Variants in PUM3 observed in about 807,000 individuals in gnomAD.
The protein encoded by PUM3 is pumilio RNA binding family member 3.
PUM3 carries 91 observed loss-of-function variants against 84.0 expected under a neutral mutation model. The observed-to-expected ratio is 1.08, with a 90% CI of 0.91 to 1.29. The LOEUF is 1.29. PUM3 is among the 50% of genes most tolerant of loss of function. The pLI is 0.00. For missense variants in PUM3, 1,067 were observed against 767.5 expected (o/e 1.39, Z -4.61); for synonymous variants, 321 against 266.7 (o/e 1.20, Z -1.98).
chr9:2,836,456 G>C (rs996323138), intron 3 of PUM3, among the ~76,000 whole-genome samples: 1 of 152,140 alleles, frequency 6.6e-6, no homozygotes, highest in African/African-American at 2.4e-5. Context: ...CAAAGTTCTG[G>C]GTTAGAAATG....
intron 5 of PUM3, among the ~76,000 whole-genome samples, chr9:2,832,656 G>C (rs983945394): frequency 7.2e-5 from 11 of 152,304 alleles, no homozygotes; most frequent in Non-Finnish European, 1.5e-4. Context: ...TGAGGGGGCA[G>C]TCCTATCGTA....
rs761102175 is a variant in PUM3 at position 2,828,782 on chromosome 9, CAACAA to C, written c.853-9_853-5del. The C allele has an allele frequency of 2.7e-6, 4 of 1,505,444 alleles. No homozygotes were observed. The highest frequency in any genetic ancestry group is 1.1e-5 in the South Asian group (1 of 88,000). 93.3% of individuals were successfully genotyped at this position (1,505,444 alleles called of 1,614,324 possible). On this transcript the variant is annotated splice_region_variant and splice_polypyrimidine_tract_variant and intron_variant, in intron 8 of 17. Transcript: ENST00000397885. ...CCAGAGTTCGGTGATCTGCTGACTG[CAACAA>C]AACAAAACAATCAAACCCCTCTAAA...
intron 3 of PUM3, among the ~76,000 whole-genome samples, chr9:2,835,074 T>C (rs142278491): frequency 4.0e-5 from 6 of 151,234 alleles, no homozygotes; most frequent in African/African-American, 1.5e-4. Flanking sequence ...TAGCCACTGA[T>C]AATTTTCCCC....
chr9:2,807,884 C>A lies in PUM3; in HGVS notation c.1744G>T (p.Val582Leu), dbSNP rs747155246. ...AGGTTCTTCATACCAACATGCTCTA[C>A]AAGTGTTTTTGCAAAACAACCTGTA... is the stretch of plus-strand genomic sequence containing the variant. The part of the protein sequence containing the change: ...GREGCFAKTL[V>L]EHVGMKNLKS... The change falls in exon 17 of 18, where the codon GTA becomes TTA. Residue 582 changes from valine to leucine, a missense_variant. Transcript: ENST00000397885. The A allele has an allele frequency of 6.2e-7, 1 of 1,613,062 alleles. No individual in the cohort carries two copies. Among genetic ancestry groups the A allele is most frequent in the Admixed American group, 1.7e-5 (1 of 60,002 alleles).
chr9:2,838,459 C>T lies in PUM3; in HGVS notation c.49G>A (p.Ala17Thr), dbSNP rs1816186843. ...KQFTGKSTKT[A>T]QEKNRFHKNS... ...TTATGAAATCTGTTTTTTTCTTGTG[C>T]TGTCTTTGTACTCTTTCCTGTGAAT... The change falls in exon 2 of 18, where the codon GCA becomes ACA. Residue 17 changes from alanine to threonine, a missense_variant. Ala to Thr is a moderately conservative substitution (Grantham distance 58). Transcript: ENST00000397885. 2.5e-6 allele frequency: 4 copies of T among 1,613,182 alleles called. No individual in the cohort carries two copies. The highest frequency in any genetic ancestry group is 3.4e-6 in the Non-Finnish European group (4 of 1,179,324).
In PUM3 at chr9:2,828,721, G is replaced by T; in HGVS notation, c.910C>A (p.Leu304Ile). The T allele has an allele frequency of 6.2e-7, 1 of 1,609,302 alleles. No individual in the cohort carries two copies. The highest frequency in any genetic ancestry group is 8.5e-7 in the Non-Finnish European group (1 of 1,175,782). Residue 304 changes from leucine (L) to isoleucine (I), a missense_variant, in exon 9 of 18, where the codon CTT becomes ATT. Coordinates refer to ENST00000397885, the MANE Select transcript of PUM3 (RefSeq NM_014878.5). ...ATCTGTTTCATTTCATCCATAATAA[G>T]TTCTAATTTTTCTGGCTGTACCTCT... ...VLEVQPEKLE[L>I]IMDEMKQILT... is the part of the protein sequence containing the mutation.
At chr9:2,822,408 T>A (rs1005370821) in intron 12 of PUM3, among the ~76,000 whole-genome samples, 1 of 151,992 alleles carries the variant, frequency 6.6e-6, no homozygotes, top group Admixed American at 6.6e-5. Flanking sequence ...CCCCAATATT[T>A]GGAAATTAAT....
intron 10 of PUM3, among the ~76,000 whole-genome samples, chr9:2,826,235 T>C (rs1206679347): frequency 1.3e-5 from 2 of 152,196 alleles, no homozygotes; most frequent in African/African-American, 2.4e-5. Context: ...AAAGATACTT[T>C]CTACCACTGA....
Position 2,823,798 on chromosome 9 carries a change from C to T in PUM3, c.1171G>A (p.Val391Ile). 6.6e-7 allele frequency: 1 copy of T among 1,506,924 alleles called. No individual in the cohort carries two copies. Among genetic ancestry groups the T allele is most frequent in the Non-Finnish European group, 9.1e-7 (1 of 1,102,456 alleles). The allele number at this position is 1,506,924 out of a possible 1,614,324, so 93.3% of individuals were successfully genotyped here. A position where few individuals can be genotyped will look rare whatever the true frequency, so the allele number is the denominator to read the frequency against. Residue 391 changes from valine (V) to isoleucine (I), a missense_variant, in exon 12 of 18, where the codon GTT (valine) becomes ATT (isoleucine). Coordinates refer to ENST00000397885, the MANE Select transcript of PUM3 (RefSeq NM_014878.5). ...ATACTTACATTAGCCACCTTTTCAA[C>T]ATAAGTCTTCATTGTTTTCACAATC... ...KVIVKTMKTY[V>I]EKVANGQYSH...
chr9:2,813,955 A>G (rs920141308), intron 13 of PUM3, among the ~76,000 whole-genome samples: 5 of 150,968 alleles, frequency 3.3e-5, no homozygotes, highest in Non-Finnish European at 7.4e-5. Context: ...TACCAGTCCA[A>G]TCCCCATTAT....
chr9:2,819,164 C>T (rs993699123), intron 13 of PUM3, among the ~76,000 whole-genome samples: 6 of 152,182 alleles, frequency 3.9e-5, no homozygotes, highest in Non-Finnish European at 7.3e-5. Context: ...TTCTTATCCC[C>T]ACCCTGCTGC....
At position 2,818,601 on chromosome 9, in the gene PUM3, A is replaced by G. The variant is rs576196834; in HGVS notation, c.1269+1417T>C. Among the ~76,000 whole-genome samples the G allele has an allele frequency of 5.9e-5, 9 of 152,330 alleles. No homozygotes were observed. The South Asian group carries it at 1.9e-3, about 32-fold the overall frequency. ...TCATCAGCCAATTCTATGGCCTCAC[A>G]TCTCTGTCACAAGAATGAAAAACAA... On this transcript the variant is annotated intron_variant, in intron 13 of 17. Coordinates refer to ENST00000397885, the MANE Select transcript of PUM3 (RefSeq NM_014878.5).
chr9:2,831,469 C>A, intron 5 of PUM3, 125 bp from the exon 6 acceptor site: 1 of 661,062 alleles, frequency 1.5e-6, no homozygotes, highest in Non-Finnish European at 2.7e-6. Flanking sequence ...AAAATCAAAC[C>A]TAGATTACTG....
At position 2,804,933 on chromosome 9, in the gene PUM3, G is replaced by T. The variant is rs191090646; in HGVS notation, c.1815-470C>A. 4.9e-4 allele frequency among the ~76,000 whole-genome samples: 75 copies of T among 152,288 alleles called. 1 individual carries two copies. The highest frequency in any genetic ancestry group is 1.8e-3 in the African/African-American group (73 of 41,556). ...AAGGTGTGAACAGAGGCACAGAGAGGTCAGAGTTAGCAGGTCTTCTCACTG... is the reference window on the plus strand; with the variant it reads ...AAGGTGTGAACAGAGGCACAGAGAGTTCAGAGTTAGCAGGTCTTCTCACTG... On this transcript the variant is annotated intron_variant, in intron 17 of 17. Coordinates refer to ENST00000397885, the MANE Select transcript of PUM3 (RefSeq NM_014878.5).
chr9:2,812,177 T>C (rs1397592818), intron 14 of PUM3, 43 bp downstream of exon 14: 2 of 1,571,484 alleles, frequency 1.3e-6, no homozygotes, highest in East Asian at 4.5e-5. Flanking sequence ...TACTCAACAT[T>C]AACAGAGGAA....
chr9:2,818,270 T>A (rs1339163970), intron 13 of PUM3, among the ~76,000 whole-genome samples: 1 of 152,238 alleles, frequency 6.6e-6, no homozygotes, highest in Non-Finnish European at 1.5e-5. Context: ...AGGAAAGAGA[T>A]CGGCAAATCA....
chr9:2,811,269 C>G, intron 15 of PUM3, 92 bp downstream of exon 15: 1 of 972,520 alleles, frequency 1.0e-6, no homozygotes, highest in Admixed American at 1.9e-5. Flanking sequence ...GTATCTCCCT[C>G]CCCAGCTTTC....
At chr9:2,819,736 G>A (rs150038507) in intron 13 of PUM3, among the ~76,000 whole-genome samples, 41 of 152,242 alleles carry the variant, frequency 2.7e-4, no homozygotes, top group African/African-American at 9.4e-4. Context: ...AATCACGTAT[G>A]TTCTAAAGTA....
Position 2,834,071 on chromosome 9 carries a change from T to C in PUM3, c.400A>G (p.Ile134Val), listed in dbSNP as rs374981902. 8.7e-5 allele frequency: 141 copies of C among 1,613,626 alleles called. No homozygotes were observed. In the Admixed American group the frequency reaches 2.0e-3, roughly 23 times the overall value. ...CACATCTGCTTTGCCCGAACAACAA[T>C]GTCATAGTTGGTTTTATCACTGAGT... Reference protein sequence around the residue: ...RQLSDKTNYDIVVRAKQMWEI... With the variant: ...RQLSDKTNYDVVVRAKQMWEI... Residue 134 changes from isoleucine to valine, a missense_variant, in exon 4 of 18, where the codon ATT becomes GTT. By Grantham distance (29) the Ile-to-Val change is conservative. Transcript: ENST00000397885.
Sources: gnomAD v4.1 joint callset for allele counts (sites outside exome capture counted in the v4.1 genomes callset) on GRCh38, gnomAD v4.1.1 for gene constraint, MANE v1.5 for transcripts, NCBI Gene and HGNC (gene_info 2026-07-23, HGNC 2026-07-21) for gene names.